Variants in SPATA6 observed in about 807,000 individuals in gnomAD.
SPATA6 encodes spermatogenesis associated 6.
Under a neutral mutation model 65.3 loss-of-function variants are expected in SPATA6, and 56 were observed. The observed-to-expected ratio is 0.86, with a 90% confidence interval of 0.69 to 1.07. SPATA6 has a LOEUF of 1.07. SPATA6 is among the 50% of genes least tolerant of loss of function. The pLI is 0.00. For missense variants in SPATA6, 590 were observed against 594.8 expected (o/e 0.99, Z 0.08); for synonymous variants, 199 against 213.2 (o/e 0.93, Z 0.58).
chr1:48,318,446 A>G lies in SPATA6; in HGVS notation c.1195-12568T>C, dbSNP rs1455010568. ...CAAGATTTCAGGATTTAAGATTAAC[A>G]TATGAAAATGCATTGTATTCCTAAA... is the stretch of plus-strand genomic sequence containing the variant. On this transcript the variant is annotated intron_variant, in intron 11 of 12. Coordinates refer to ENST00000371847, the MANE Select transcript of SPATA6 (RefSeq NM_019073.4). Among the ~76,000 whole-genome samples the G allele has an allele frequency of 2.0e-5, 3 of 152,196 alleles. No individual in the cohort carries two copies. In the East Asian group the frequency reaches 5.8e-4, roughly 29 times the overall value.
At chr1:48,275,600 C>T in the SPATA6 span, among the ~76,000 whole-genome samples, 693 of 152,094 alleles carry the variant, frequency 4.6e-3, 4 homozygotes, top group African/African-American at 0.015. Flanking sequence ...GAGATAATCA[C>T]GTGGTTTTTG....
At chr1:48,416,612 A>T (rs1652810892) in intron 3 of SPATA6, among the ~76,000 whole-genome samples, 1 of 152,000 alleles carries the variant, frequency 6.6e-6, no homozygotes, top group Non-Finnish European at 1.5e-5. Flanking sequence ...TCAAAATGCC[A>T]GTGATGTGCA....
At chr1:48,458,438 G>A (rs575991008) in intron 1 of SPATA6, among the ~76,000 whole-genome samples, 1 of 152,152 alleles carries the variant, frequency 6.6e-6, no homozygotes, top group Non-Finnish European at 1.5e-5. Flanking sequence ...AAGGCCAGAT[G>A]TAGCCACTCT....
At position 48,437,168 on chromosome 1, in the gene SPATA6, G is replaced by A. The variant is rs1211940460; in HGVS notation, c.238+14384C>T. On this transcript the variant is annotated intron_variant, in intron 3 of 12. Coordinates refer to ENST00000371847, the MANE Select transcript of SPATA6 (RefSeq NM_019073.4). ...ATACCATTGCCTCCAGTGTTACCTT[G>A]GACTGAGCCAGAATGTGATTTTCCT... 21 of 1,610,046 alleles carry A rather than the reference G, an allele frequency of 1.3e-5. No homozygotes were observed. In the Admixed American group the frequency reaches 3.3e-4, roughly 26 times the overall value.
At chr1:48,286,947 G>A in the SPATA6 span, among the ~76,000 whole-genome samples, 1 of 150,960 alleles carries the variant, frequency 6.6e-6, no homozygotes, top group South Asian at 2.1e-4. Flanking sequence ...ACTGAGGCAG[G>A]AGAATCACTT....
chr1:48,413,456 CTTTT>C (rs35376845), intron 3 of SPATA6, among the ~76,000 whole-genome samples: 10 of 110,870 alleles, frequency 9.0e-5, no homozygotes, highest in Non-Finnish European at 1.8e-5. Flanking sequence ...CGCCCGGATA[CTTTT>C]TTTTTTTTTT....
intron 3 of SPATA6, among the ~76,000 whole-genome samples, 200 bp from the exon 4 acceptor site, chr1:48,413,351 G>A (rs539753547): frequency 5.8e-4 from 86 of 148,824 alleles, no homozygotes; most frequent in South Asian, 3.0e-3. Context: ...GTGCAGTGGC[G>A]CAATCTTGGC....
At chr1:48,411,026 C>T (rs1430115967) in intron 5 of SPATA6, among the ~76,000 whole-genome samples, 2 of 152,116 alleles carry the variant, frequency 1.3e-5, no homozygotes, top group African/African-American at 2.4e-5. Flanking sequence ...TTGGATTTCT[C>T]TGAATACTAA....
chr1:48,376,102 A>G (rs1266251379), intron 9 of SPATA6, among the ~76,000 whole-genome samples: 3 of 152,112 alleles, frequency 2.0e-5, no homozygotes, highest in African/African-American at 7.2e-5. Flanking sequence ...TTATCCCACT[A>G]TTCCTTATCT....
chr1:48,376,916 C>T (rs1647985926), intron 9 of SPATA6, among the ~76,000 whole-genome samples: 1 of 152,142 alleles, frequency 6.6e-6, no homozygotes, highest in Admixed American at 6.6e-5. Context: ...AAAAGTACAA[C>T]AAAAATAGAC....
At chr1:48,335,230 G>T (rs1646027447) in intron 11 of SPATA6, among the ~76,000 whole-genome samples, 1 of 151,736 alleles carries the variant, frequency 6.6e-6, no homozygotes, top group Non-Finnish European at 1.5e-5. Context: ...CAGATTCAAT[G>T]CTATTCCTAT....
In SPATA6 at chr1:48,399,293, G is replaced by T. The variant is rs557849324; in HGVS notation, c.780+58C>A. 31 of 1,539,490 alleles carry T rather than the reference G, an allele frequency of 2.0e-5. No homozygotes were observed. In the South Asian group the frequency reaches 3.7e-4, roughly 19 times the overall value. ...AGTTGAAAGATATTTCAGAATAACA[G>T]TTTTTTTGGGAAAAAAGCTGATCAG... On this transcript the variant is annotated intron_variant, in intron 7 of 12. Coordinates refer to ENST00000371847, the MANE Select transcript of SPATA6 (RefSeq NM_019073.4).
At position 48,367,472 on chromosome 1, in the gene SPATA6, G is replaced by T. The variant is rs1255254534; in HGVS notation, c.910-7702C>A. Among the ~76,000 whole-genome samples, 3 of 152,310 alleles carry T rather than the reference G, an allele frequency of 2.0e-5. No individual in the cohort carries two copies. In the South Asian group the frequency reaches 6.2e-4, roughly 32 times the overall value. On this transcript the variant is annotated intron_variant, in intron 9 of 12. Coordinates refer to ENST00000371847, the MANE Select transcript of SPATA6 (RefSeq NM_019073.4). ...CACTCAGGACTTGCTTTATGAATCT[G>T]CATGCTCCTGTATTTGGTGCATATA...
rs781623819 is a variant in SPATA6, at chr1:48,385,304, C to T, written c.909+5G>A. 1.2e-6 allele frequency: 2 copies of T among 1,602,276 alleles called. No individual in the cohort carries two copies. Among genetic ancestry groups the T allele is most frequent in the South Asian group, 2.3e-5 (2 of 88,110 alleles). On this transcript the variant is annotated splice_donor_5th_base_variant and intron_variant, in intron 9 of 12. Coordinates refer to ENST00000371847, the MANE Select transcript of SPATA6 (RefSeq NM_019073.4). ...AATTATTATTCTACAATTCATTCTA[C>T]ACACCTTATAATCCTTGGGTCGGCA...
intron 11 of SPATA6, among the ~76,000 whole-genome samples, chr1:48,351,367 G>A (rs574546917): frequency 1.3e-5 from 2 of 151,910 alleles, no homozygotes; most frequent in Non-Finnish European, 2.9e-5. Flanking sequence ...TCAGTATGAC[G>A]CTAAAGAAAA....
intron 3 of SPATA6, among the ~76,000 whole-genome samples, chr1:48,433,780 C>T (rs1244749678): frequency 6.6e-6 from 1 of 152,108 alleles, no homozygotes; most frequent in Non-Finnish European, 1.5e-5. Flanking sequence ...TTCTCATGCA[C>T]AGACTTAGAG....
At chr1:48,425,825 T>C (rs909818670) in intron 3 of SPATA6, among the ~76,000 whole-genome samples, 1 of 151,930 alleles carries the variant, frequency 6.6e-6, no homozygotes, top group African/African-American at 2.4e-5. Flanking sequence ...AGGTGGACTA[T>C]AAATCAAAAT....
downstream of SPATA6, among the ~76,000 whole-genome samples, chr1:48,290,889 A>C (rs189669778): frequency 2.0e-3 from 300 of 152,268 alleles, 2 homozygotes; most frequent in Admixed American, 0.013. Flanking sequence ...CTCCCACACA[A>C]TAATAATGGG....
At chr1:48,294,413 TCTCA>T (rs528813880), downstream of SPATA6, among the ~76,000 whole-genome samples, 20 of 152,206 alleles carry the variant, frequency 1.3e-4, no homozygotes, top group South Asian at 4.2e-3. Context: ...CCTCAAACTA[TCTCA>T]CTACCACCAG....
Sources: gnomAD v4.1 joint callset for allele counts (sites outside exome capture counted in the v4.1 genomes callset) on GRCh38, gnomAD v4.1.1 for gene constraint, MANE v1.5 for transcripts, NCBI Gene and HGNC (gene_info 2026-07-23, HGNC 2026-07-21) for gene names.